The following DMD variants were observed in gnomAD, a reference collection of about 807,000 sequenced individuals.
DMD encodes mutant dystrophin.
A neutral mutation model predicts 330.1 loss-of-function variants in DMD; 63 were observed. That is an observed-to-expected ratio of 0.19 (90% CI 0.16 to 0.24). The LOEUF is 0.24. Ranked by LOEUF, DMD falls within the 10% of genes least tolerant of loss-of-function variation. DMD has a pLI of 1.00. For missense variants in DMD, 3,344 were observed against 2,684.1 expected (o/e 1.25, Z -5.43); for synonymous variants, 1,223 against 959.8 (o/e 1.27, Z -5.07).
chrX:31,295,217 G>A (rs181388794), intron 62 of DMD, among the ~76,000 whole-genome samples: 2 of 110,081 alleles, frequency 1.8e-5, no homozygotes, highest in East Asian at 5.7e-4. Context: ...GGATGATCTC[G>A]ATCTCCCGAC....
chrX:31,222,756 A>T (rs2046231205), intron 64 of DMD, among the ~76,000 whole-genome samples: 1 of 112,280 alleles, frequency 8.9e-6, no homozygotes, highest in African/African-American at 3.2e-5. Flanking sequence ...TGCAAGTTTC[A>T]CAAAGGTAAT....
At chrX:31,310,176 C>CCTCTCTCTCT (rs3032536) in intron 62 of DMD, among the ~76,000 whole-genome samples, 1 of 91,544 alleles carries the variant, frequency 1.1e-5, no homozygotes, top group Non-Finnish European at 2.1e-5. Flanking sequence ...TCTTCGTTGT[C>CCTCTCTCTCT]CTCTCTCTCT....
intron 7 of DMD, among the ~76,000 whole-genome samples, chrX:32,786,086 AGTGTGTGTGT>A (rs368269067): frequency 1.2e-3 from 117 of 96,561 alleles, no homozygotes; most frequent in African/African-American, 3.4e-3. Context: ...GAGGAATAAG[AGTGTGTGTGT>A]GTGTGTGTGT....
At chrX:32,842,425 C>T (rs756711046) in intron 4 of DMD, among the ~76,000 whole-genome samples, 2 of 112,215 alleles carry the variant, frequency 1.8e-5, no homozygotes, top group African/African-American at 6.5e-5. Context: ...AAAAAACCCA[C>T]ACACCCCTGG....
intron 1 of DMD, among the ~76,000 whole-genome samples, chrX:33,033,717 CA>C (rs199699033): frequency 6.2e-4 from 60 of 96,855 alleles, no homozygotes; most frequent in Middle Eastern, 5.2e-3. Flanking sequence ...GACTCCGTCT[CA>C]AAAAAAAAAA....
chrX:32,711,959 C>A (rs1265902855), intron 7 of DMD, among the ~76,000 whole-genome samples: 2 of 111,767 alleles, frequency 1.8e-5, no homozygotes, highest in Admixed American at 1.9e-4. Context: ...TTTCTTCATA[C>A]CCTCATTGGT....
intron 55 of DMD, among the ~76,000 whole-genome samples, chrX:31,541,087 T>C (rs2073774762): frequency 8.9e-6 from 1 of 111,883 alleles, no homozygotes; most frequent in Non-Finnish European, 1.9e-5. Context: ...GTTCTAGGGC[T>C]GTGCTGCTCT....
At chrX:33,177,633 G>A (rs998450216) in intron 1 of DMD, among the ~76,000 whole-genome samples, 8 of 110,969 alleles carry the variant, frequency 7.2e-5, no homozygotes, top group Non-Finnish European at 1.5e-4. Flanking sequence ...TGATCCACCC[G>A]CCTCAGACTC....
At chrX:32,409,770 C>T (rs1250769422) in intron 30 of DMD, among the ~76,000 whole-genome samples, 1 of 111,371 alleles carries the variant, frequency 9.0e-6, no homozygotes, top group Non-Finnish European at 1.9e-5. Flanking sequence ...TCAAACATTC[C>T]TTCAAAACTC....
chrX:32,921,263 G>A (rs892508284), intron 2 of DMD, among the ~76,000 whole-genome samples: 9 of 111,803 alleles, frequency 8.0e-5, no homozygotes, highest in Admixed American at 5.7e-4. Context: ...GTTCCCATCT[G>A]TCAACTGGTT....
At chrX:31,891,550 ATAAT>A (rs927427713) in intron 47 of DMD, among the ~76,000 whole-genome samples, 4 of 111,903 alleles carry the variant, frequency 3.6e-5, no homozygotes, top group Non-Finnish European at 7.5e-5. Flanking sequence ...GAAACTGAAA[ATAAT>A]TAATAAATGG....
intron 62 of DMD, chrX:31,266,962 C>T (rs1284510656): frequency 2.4e-5 from 25 of 1,058,576 alleles, no homozygotes; most frequent in Non-Finnish European, 2.9e-5. Context: ...TGCGGAGGAG[C>T]CGGCGCGGGC....
intron 45 of DMD, among the ~76,000 whole-genome samples, chrX:31,935,069 T>A (rs193136797): frequency 1.3e-4 from 14 of 111,982 alleles, no homozygotes; most frequent in East Asian, 1.1e-3. Flanking sequence ...TCTTCTGGCC[T>A]CTCCAAAAGC....
At chrX:31,449,763 GATATATATATATATATATAT>G (rs59787771) in intron 59 of DMD, among the ~76,000 whole-genome samples, 3 of 62,469 alleles carry the variant, frequency 4.8e-5, no homozygotes, top group African/African-American at 1.1e-4. Context: ...TAAATGGTGT[GATATATATATATATATATAT>G]ATATATATAT....
chrX:33,267,886 T>C (rs187245358), intron 1 of DMD, among the ~76,000 whole-genome samples: 2 of 111,614 alleles, frequency 1.8e-5, no homozygotes, highest in East Asian at 5.6e-4. Context: ...CCTTTTGCCA[T>C]ATACAAAAAT....
chrX:32,132,993 C>CTT (rs377615262), intron 44 of DMD, among the ~76,000 whole-genome samples: 57 of 75,915 alleles, frequency 7.5e-4, no homozygotes, highest in South Asian at 1.4e-3. Flanking sequence ...CTTTTCTTTT[C>CTT]TTTTTTTTTT....
chrX:32,327,368 C>G (rs776327111), intron 41 of DMD, among the ~76,000 whole-genome samples: 7 of 110,879 alleles, frequency 6.3e-5, no homozygotes, highest in African/African-American at 2.3e-4. Context: ...GCCTTTTGTT[C>G]TACTCCATTC....
intron 7 of DMD, among the ~76,000 whole-genome samples, chrX:32,776,190 A>C (rs189512793): frequency 4.3e-4 from 47 of 110,565 alleles, no homozygotes; most frequent in Non-Finnish European, 7.0e-4. Context: ...CCTGGACTTC[A>C]TTGTCCGTAT....
intron 1 of DMD, among the ~76,000 whole-genome samples, chrX:33,245,959 T>C (rs2052657254): frequency 8.9e-6 from 1 of 111,829 alleles, no homozygotes; most frequent in African/African-American, 3.2e-5. Flanking sequence ...AATTTCAGGG[T>C]TCATGAAGGA....
Sources: gnomAD v4.1 joint callset for allele counts (sites outside exome capture counted in the v4.1 genomes callset) on GRCh38, gnomAD v4.1.1 for gene constraint, MANE v1.5 for transcripts, NCBI Gene and HGNC (gene_info 2026-07-23, HGNC 2026-07-21) for gene names.